The following PIERCE1 variants were observed in gnomAD, a reference collection of about 807,000 sequenced individuals.
PIERCE1 encodes piercer of microtubule wall 1.
chr9:135,496,783 CCCTTCAGTG>C, the PIERCE1 span, among the ~76,000 whole-genome samples: 7 of 148,910 alleles, frequency 4.7e-5, no homozygotes, highest in African/African-American at 1.7e-4. Context: ...GAGAGGAATT[CCCTTCAGTG>C]CATTTTTTTT....
the PIERCE1 span, among the ~76,000 whole-genome samples, chr9:135,497,440 G>C: frequency 1.3e-5 from 2 of 150,770 alleles, no homozygotes; most frequent in African/African-American, 4.9e-5. Flanking sequence ...GTTTGTTTTG[G>C]TAACAGGGTC....
At chr9:135,497,204 G>A in the PIERCE1 span, among the ~76,000 whole-genome samples, 1 of 152,186 alleles carries the variant, frequency 6.6e-6, no homozygotes, top group Non-Finnish European at 1.5e-5. Context: ...AGAGACTCCA[G>A]ACGGAGCAGG....
At chr9:135,495,821 T>C in the PIERCE1 span, among the ~76,000 whole-genome samples, 1 of 152,110 alleles carries the variant, frequency 6.6e-6, no homozygotes, top group Admixed American at 6.5e-5. Context: ...GTTCTAAGGA[T>C]AGAAGAATGA....
the PIERCE1 span, chr9:135,495,749 C>T: frequency 2.7e-6 from 2 of 738,840 alleles, no homozygotes; most frequent in African/African-American, 3.5e-5. Context: ...CCTGGCTCAC[C>T]CCAGACCATC....
the PIERCE1 span, chr9:135,495,537 C>G: frequency 6.2e-7 from 1 of 1,614,124 alleles, no homozygotes. Flanking sequence ...TCCAGGTAAA[C>G]ATTGAGAGTA....
the PIERCE1 span, among the ~76,000 whole-genome samples, chr9:135,496,701 T>C: frequency 6.6e-6 from 1 of 152,152 alleles, no homozygotes; most frequent in African/African-American, 2.4e-5. Flanking sequence ...GATACTTTAT[T>C]AGTAACTAAA....
At chr9:135,499,798 C>A in the PIERCE1 span, 3 of 1,604,292 alleles carry the variant, frequency 1.9e-6, no homozygotes, top group Non-Finnish European at 2.5e-6. Context: ...CCGGCGGGGC[C>A]GTGGCCTTGG....
chr9:135,498,757 G>T, the PIERCE1 span: 2 of 1,187,360 alleles, frequency 1.7e-6, no homozygotes, highest in Non-Finnish European at 1.3e-6. This position sits in a 1 kb window ranked among gnomAD's most constrained non-coding sequence, Gnocchi z 4.1. Flanking sequence ...CCCTGGAAAT[G>T]CCCCCATGGA....
chr9:135,499,475 T>C, the PIERCE1 span: 2 of 712,164 alleles, frequency 2.8e-6, no homozygotes, highest in Non-Finnish European at 2.6e-6. Context: ...AGACCACAAC[T>C]GGGCTTTCTC....
the PIERCE1 span, among the ~76,000 whole-genome samples, chr9:135,498,044 A>C: frequency 1.3e-5 from 2 of 152,044 alleles, no homozygotes; most frequent in Admixed American, 1.3e-4. The surrounding 1 kb of genome is among the most constrained non-coding windows in gnomAD (Gnocchi z 4.1). Context: ...AGGTTCTAGG[A>C]GGGCCATCCT....
chr9:135,495,725 A>G, the PIERCE1 span: 1 of 1,061,062 alleles, frequency 9.4e-7, no homozygotes, highest in Non-Finnish European at 1.3e-6. Context: ...GAGAAGCCAG[A>G]GTGGGTAGGA....
the PIERCE1 span, chr9:135,499,596 C>T: frequency 1.4e-6 from 2 of 1,394,878 alleles, no homozygotes; most frequent in African/African-American, 2.8e-5. Context: ...CCCGGATGAC[C>T]ACTCGATCTT....
At chr9:135,499,793 G>C in the PIERCE1 span, 1 of 1,604,618 alleles carries the variant, frequency 6.2e-7, no homozygotes, top group African/African-American at 1.3e-5. Context: ...CCTCTCCGGC[G>C]GGGCCGTGGC....
chr9:135,499,863 G>A, the PIERCE1 span: 3 of 1,546,732 alleles, frequency 1.9e-6, no homozygotes, highest in African/African-American at 1.4e-5. Flanking sequence ...GTGCCTGGAG[G>A]AGAAGCGGGA....
At chr9:135,499,492 C>A in the PIERCE1 span, 2 of 732,580 alleles carry the variant, frequency 2.7e-6, no homozygotes, top group South Asian at 1.5e-5. Flanking sequence ...TCTCCCCCCA[C>A]GGCCCTGCCC....
the PIERCE1 span, chr9:135,495,641 T>A: frequency 6.5e-7 from 1 of 1,536,048 alleles, no homozygotes; most frequent in Non-Finnish European, 9.0e-7. Flanking sequence ...GAACACGGAT[T>A]AATGACGTAT....
the PIERCE1 span, chr9:135,498,774 A>C: frequency 1.0e-6 from 1 of 986,520 alleles, no homozygotes; most frequent in Non-Finnish European, 1.6e-6. This position sits in a 1 kb window ranked among gnomAD's most constrained non-coding sequence, Gnocchi z 4.1. Flanking sequence ...TGGAAAGAGC[A>C]ATATGCCCGG....
At chr9:135,499,484 T>C in the PIERCE1 span, 1 of 719,812 alleles carries the variant, frequency 1.4e-6, no homozygotes, top group Non-Finnish European at 2.6e-6. Flanking sequence ...CTGGGCTTTC[T>C]CCCCCCACGG....
the PIERCE1 span, chr9:135,495,522 T>C: frequency 6.2e-7 from 1 of 1,614,150 alleles, no homozygotes; most frequent in Non-Finnish European, 8.5e-7. Flanking sequence ...GTCACGATGC[T>C]TTTCTCCAGG....
Sources: allele counts gnomAD v4.1 joint callset (sites outside exome capture counted in the v4.1 genomes callset), GRCh38; gene constraint gnomAD v4.1.1; non-coding constraint Gnocchi (gnomAD v3.1); transcripts MANE v1.5; gene names NCBI Gene and HGNC (gene_info 2026-07-23, HGNC 2026-07-21).